The following TBC1D8B variants were observed in gnomAD, a reference collection of about 807,000 sequenced individuals.
TBC1D8B encodes the protein RP11-321G1.1.
Under a neutral mutation model 82.9 loss-of-function variants are expected in TBC1D8B, and 75 were observed. That is an observed-to-expected ratio of 0.90 (90% CI 0.75 to 1.10). TBC1D8B has a LOEUF of 1.10. Ranked by LOEUF, TBC1D8B falls within the 50% of genes least tolerant of loss-of-function variation. The pLI is 0.00. For missense variants in TBC1D8B, 794 were observed against 796.9 expected, an observed-to-expected ratio of 1.00 and a Z score of 0.04; for synonymous variants, 276 against 276.8, an observed-to-expected ratio of 1.00 and a Z score of 0.03.
chrX:106,872,456 TA>T (rs1362887238), intron 20 of TBC1D8B, among the ~76,000 whole-genome samples: 22 of 788 alleles, frequency 0.028, no homozygotes, highest in Admixed American at 0.17. Context: ...GAAAAATATT[TA>T]TATATATATA....
intron 19 of TBC1D8B, among the ~76,000 whole-genome samples, chrX:106,869,778 C>T (rs1932836341): frequency 9.0e-6 from 1 of 111,474 alleles, no homozygotes; most frequent in African/African-American, 3.3e-5. Context: ...GTACATAAGT[C>T]CTTTTGTCTT....
At chrX:106,872,687 G>A (rs1932857833) in intron 20 of TBC1D8B, among the ~76,000 whole-genome samples, 1 of 109,924 alleles carries the variant, frequency 9.1e-6, no homozygotes, top group Non-Finnish European at 1.9e-5. Flanking sequence ...GTACCACCTG[G>A]CCAGGCGCAG....
At chrX:106,839,534 G>T in intron 8 of TBC1D8B, 77 bp downstream of exon 8, 1 of 988,448 alleles carries the variant, frequency 1.0e-6, no homozygotes, top group Non-Finnish European at 1.3e-6. Context: ...AGACTAGAAG[G>T]TATCACAACT....
At chrX:106,852,408 T>C (rs1269001430) in intron 12 of TBC1D8B, among the ~76,000 whole-genome samples, 1 of 107,496 alleles carries the variant, frequency 9.3e-6, no homozygotes, top group Non-Finnish European at 1.9e-5. Flanking sequence ...GTGCAGAAGC[T>C]CTTTAGTTTA....
At chrX:106,865,493 T>C (rs1006735475) in intron 14 of TBC1D8B, 66 bp from the exon 15 acceptor site, 61 of 891,836 alleles carry the variant, frequency 6.8e-5, no homozygotes, top group Non-Finnish European at 9.0e-5. Flanking sequence ...CTAAGGTAAT[T>C]CAAAGAGAAT....
intron 1 of TBC1D8B, among the ~76,000 whole-genome samples, chrX:106,817,858 T>C (rs970921590): frequency 9.0e-6 from 1 of 111,197 alleles, no homozygotes; most frequent in African/African-American, 3.3e-5. Context: ...GGATTTCTTT[T>C]TTTTTCATTA....
intron 9 of TBC1D8B, 90 bp from the exon 10 acceptor site, chrX:106,840,580 A>G: frequency 2.4e-6 from 2 of 829,006 alleles, no homozygotes; most frequent in Non-Finnish European, 1.7e-6. Flanking sequence ...GCTAAATATC[A>G]AGGTAATGAA....
At chrX:106,848,434 A>C in intron 11 of TBC1D8B, 131 bp downstream of exon 11, 1 of 395,997 alleles carries the variant, frequency 2.5e-6, no homozygotes, top group East Asian at 4.0e-5. Flanking sequence ...TTGTGGTATA[A>C]AATGCAAGCA....
Position 106,865,805 on chromosome X carries a change from T to G in TBC1D8B, c.2434T>G (p.Leu812Val), listed in dbSNP as rs972416127. 2 of 1,191,984 alleles carry G rather than the reference T, an allele frequency of 1.7e-6. No homozygotes were observed. Among genetic ancestry groups the G allele is most frequent in the African/African-American group, 3.5e-5 (2 of 56,356 alleles). ...LYVIFKKELFLSCYWCLGCPV... is the reference protein window; with the variant it reads ...LYVIFKKELFVSCYWCLGCPV... The stretch of plus-strand genomic sequence containing the variant: ...TTATTTTTAATAGAAAGAGCTGTTT[T>G]TATCTTGTTATTGGTGTTTGGGTTG... Residue 812 changes from leucine (L) to valine (V), a missense_variant, in exon 16 of 21, where the codon TTA becomes GTA. Coordinates refer to ENST00000357242, the MANE Select transcript of TBC1D8B (RefSeq NM_017752.3).
chrX:106,875,334 T>A lies in TBC1D8B; in HGVS notation c.*1369T>A, dbSNP rs1229918247. The A allele has an allele frequency of 9.0e-6, 1 of 111,355 alleles. No individual in the cohort carries two copies. The highest frequency in any genetic ancestry group is 1.9e-5 in the Non-Finnish European group (1 of 53,019). The allele number at this position is 111,355 out of a possible 1,213,427, so 9.2% of individuals were successfully genotyped here. A position where few individuals can be genotyped will look rare whatever the true frequency, so the allele number is the denominator to read the frequency against. ...AGAGGTCTCCCTTTCTTGGAGGGAGTTGGTACAGTCAGCCTTTGGGAAGAA... is the reference window on the plus strand; with the variant it reads ...AGAGGTCTCCCTTTCTTGGAGGGAGATGGTACAGTCAGCCTTTGGGAAGAA... On this transcript the variant is annotated 3_prime_UTR_variant, in exon 21 of 21. Transcript: ENST00000357242.
intron 14 of TBC1D8B, among the ~76,000 whole-genome samples, chrX:106,860,245 T>G (rs1205240657): frequency 9.0e-6 from 1 of 110,820 alleles, no homozygotes; most frequent in African/African-American, 3.3e-5. Flanking sequence ...TCCTCAATTT[T>G]TTGCAATAGT....
chrX:106,840,784 T>G lies in TBC1D8B; in HGVS notation c.1619T>G (p.Leu540Arg), dbSNP rs1160526056. The G allele has an allele frequency of 8.3e-7, 1 of 1,209,392 alleles. No homozygotes were observed. Among genetic ancestry groups the G allele is most frequent in the Non-Finnish European group, 1.1e-6 (1 of 894,955 alleles). Residue 540 changes from leucine (L) to arginine (R), a missense_variant, in exon 10 of 21, where the codon CTG becomes CGG. Physicochemically the swap from Leu to Arg is moderately radical, Grantham distance 102. Coordinates refer to ENST00000357242, the MANE Select transcript of TBC1D8B (RefSeq NM_017752.3). ...EEIERDLRRS[L>R]PEHPAFQSDT... Reference sequence around the variant, plus strand: ...ATTGAACGTGATTTACGTCGCTCTCTGCCTGAGCACCCAGCCTTTCAGAGT... The same window carrying G: ...ATTGAACGTGATTTACGTCGCTCTCGGCCTGAGCACCCAGCCTTTCAGAGT...
At chrX:106,872,067 G>A (rs182029271) in intron 20 of TBC1D8B, among the ~76,000 whole-genome samples, 10 of 110,378 alleles carry the variant, frequency 9.1e-5, no homozygotes, top group African/African-American at 3.3e-4. Flanking sequence ...CATGATGTCA[G>A]CATTCCTTCC....
intron 7 of TBC1D8B, among the ~76,000 whole-genome samples, chrX:106,836,583 CTT>C (rs745688350): frequency 9.8e-6 from 1 of 101,928 alleles, no homozygotes. Context: ...GTCTTTTCTT[CTT>C]TTTTTTTTTT....
At chrX:106,870,959 G>C (rs1932844610) in intron 20 of TBC1D8B, 146 bp downstream of exon 20, 3 of 378,023 alleles carry the variant, frequency 7.9e-6, no homozygotes, top group Non-Finnish European at 1.4e-5. Flanking sequence ...GCATGGAAGA[G>C]TGGGAAGAAA....
intron 10 of TBC1D8B, among the ~76,000 whole-genome samples, chrX:106,846,446 G>C (rs1007582624): frequency 1.1e-5 from 1 of 93,695 alleles, no homozygotes; most frequent in Non-Finnish European, 2.1e-5. Context: ...AACTGGGGAG[G>C]GGGGTGGGAA....
chrX:106,812,897 G>A (rs1165263957), intron 1 of TBC1D8B, among the ~76,000 whole-genome samples: 1 of 109,992 alleles, frequency 9.1e-6, no homozygotes, highest in Non-Finnish European at 1.9e-5. Context: ...TGCCCAGGTG[G>A]GGGTGCAGCG....
In TBC1D8B at chrX:106,835,965, G is replaced by C. The variant is rs993160807; in HGVS notation, c.1204-3343G>C. Among the ~76,000 whole-genome samples the C allele has an allele frequency of 2.7e-4, 30 of 111,942 alleles. No homozygotes were observed. The Admixed American group carries it at 2.8e-3, about 10-fold the overall frequency. ...TGTCTTCTTCTGAGACCTCCAAACT[G>C]TTCCAACCTCTGCCTGTTACCCAGT... On this transcript the variant is annotated intron_variant, in intron 7 of 20. Coordinates refer to ENST00000357242, the MANE Select transcript of TBC1D8B (RefSeq NM_017752.3).
In TBC1D8B at chrX:106,866,043, T is replaced by C. The variant is rs1472303479; in HGVS notation, c.2662+10T>C. Reference sequence around the variant, plus strand: ...TTCTCCTCTGCAATTGGTAAGATGATTTTTTTAAGCAAAAAAAAAAGGTGC... The same window carrying C: ...TTCTCCTCTGCAATTGGTAAGATGACTTTTTTAAGCAAAAAAAAAAGGTGC... On this transcript the variant is annotated intron_variant, in intron 16 of 20. Transcript: ENST00000357242. 7 of 1,185,258 alleles carry C rather than the reference T, an allele frequency of 5.9e-6. No homozygotes were observed. The South Asian group carries it at 9.5e-5, about 16-fold the overall frequency.
Sources: allele counts gnomAD v4.1 joint callset (sites outside exome capture counted in the v4.1 genomes callset), GRCh38; gene constraint gnomAD v4.1.1; transcripts MANE v1.5; gene names NCBI Gene and HGNC (gene_info 2026-07-23, HGNC 2026-07-21).